Variants in GSE1 observed in about 807,000 individuals in gnomAD.
GSE1 encodes the protein Gse1 coiled-coil protein.
GSE1 carries 32 observed loss-of-function variants against 112.6 expected under a neutral mutation model. That is an observed-to-expected ratio of 0.28 (90% CI 0.21 to 0.38). The LOEUF (loss-of-function observed/expected upper bound fraction) is 0.38. Ranked by LOEUF, GSE1 falls within the 10% of genes least tolerant of loss-of-function variation. GSE1 has a pLI of 1.00. For synonymous variants in GSE1, 1,115 were observed against 735.6 expected (o/e 1.52, Z -8.35); for missense variants, 2,348 against 1,699.2 (o/e 1.38, Z -6.71).
intron 2 of GSE1, among the ~76,000 whole-genome samples, chr16:85,394,723 G>A (rs1024978138): frequency 2.6e-5 from 4 of 152,056 alleles, no homozygotes; most frequent in African/African-American, 4.8e-5. Flanking sequence ...CAGAAGCCCC[G>A]TCCGTCTCCC....
chr16:85,170,030 G>GAGACTCCGACCTGTC (rs1249872385), exon 1 of GSE1: 1 of 984,606 alleles, frequency 1.0e-6, no homozygotes, highest in Non-Finnish European at 1.2e-6. Flanking sequence ...GAGGAGACGC[G>GAGACTCCGACCTGTC]AGACTCCGAC....
Position 85,226,581 on chromosome 16 carries a change from C to T in GSE1, c.2283+54774C>T, listed in dbSNP as rs545194086. ...GCAGTGGGCATCTTACGTCCTTGGGCCTCGGTTTCTTCTTAATAAGGTGAG... is the reference window on the plus strand; with the variant it reads ...GCAGTGGGCATCTTACGTCCTTGGGTCTCGGTTTCTTCTTAATAAGGTGAG... On this transcript the variant is annotated intron_variant, in intron 1 of 2. Coordinates refer to the GSE1 transcript ENST00000637419. Among the ~76,000 whole-genome samples the T allele has an allele frequency of 1.2e-4, 18 of 152,140 alleles. No individual in the cohort carries two copies. In the South Asian group the frequency reaches 3.7e-3, roughly 32 times the overall value.
In GSE1 at chr16:85,171,802, A is replaced by T. The variant is rs976476159; in HGVS notation, c.2278A>T (p.Thr760Ser). 2.3e-5 allele frequency: 23 copies of T among 985,344 alleles called. No individual in the cohort carries two copies. In the Admixed American group the frequency reaches 2.5e-4, roughly 11 times the overall value. The allele number at this position is 985,344 out of a possible 1,614,324, so 61.0% of individuals were successfully genotyped here. ...CTGGAGCTCCCCGGTGGCAGCAGCG[A>T]CGAAGGTAAGCAGCAGTTTTCATCT... The change falls in exon 1 of 3, where the codon ACG (threonine) becomes TCG (serine). Residue 760 changes from threonine (T) to serine (S), a missense_variant. Thr to Ser is a moderately conservative substitution (Grantham distance 58). Transcript: ENST00000637419.
intron 3 of GSE1, 71 bp downstream of exon 3, chr16:85,648,822 C>T (rs2151875167): frequency 1.2e-6 from 1 of 868,662 alleles, no homozygotes; most frequent in Non-Finnish European, 1.7e-6. Context: ...CCATTGGGGG[C>T]TCTGGAGCTT....
At chr16:85,207,269 C>T (rs2075135118) in intron 1 of GSE1, among the ~76,000 whole-genome samples, 1 of 152,230 alleles carries the variant, frequency 6.6e-6, no homozygotes, top group Non-Finnish European at 1.5e-5. Flanking sequence ...CCTGGCCCCT[C>T]ACTCAGGCTC....
chr16:85,350,619 G>A (rs1212397168), intron 1 of GSE1, among the ~76,000 whole-genome samples: 1 of 152,142 alleles, frequency 6.6e-6, no homozygotes, highest in African/African-American at 2.4e-5. Flanking sequence ...GAGGGGCCAT[G>A]AGGTCACCGT....
upstream of GSE1, chr16:85,555,746 C>T: frequency 1.0e-6 from 1 of 982,694 alleles, no homozygotes; most frequent in Non-Finnish European, 1.2e-6. Context: ...TGACCCTCGC[C>T]CTTGACATTC....
chr16:85,468,574 A>C (rs1034193968), intron 2 of GSE1, among the ~76,000 whole-genome samples: 13 of 151,772 alleles, frequency 8.6e-5, no homozygotes, highest in African/African-American at 3.1e-4. Flanking sequence ...AGCCCCCCTC[A>C]GCCTCCCAAA....
At chr16:85,299,109 C>G (rs1377701683) in intron 1 of GSE1, among the ~76,000 whole-genome samples, 1 of 152,218 alleles carries the variant, frequency 6.6e-6, no homozygotes, top group Non-Finnish European at 1.5e-5. Context: ...AGTGAACATG[C>G]AGCATGGTGT....
chr16:85,368,806 C>A (rs1335639816), intron 2 of GSE1, among the ~76,000 whole-genome samples: 1 of 152,100 alleles, frequency 6.6e-6, no homozygotes, highest in African/African-American at 2.4e-5. Context: ...GGGGGCTTCC[C>A]AGACTGATTA....
At chr16:85,205,592 C>T (rs1427547361) in intron 1 of GSE1, among the ~76,000 whole-genome samples, 3 of 152,142 alleles carry the variant, frequency 2.0e-5, no homozygotes, top group Admixed American at 6.5e-5. Context: ...CAAACACACT[C>T]ATCCCCCACA....
At chr16:85,362,547 C>G (rs935509635) in intron 2 of GSE1, among the ~76,000 whole-genome samples, 2 of 152,226 alleles carry the variant, frequency 1.3e-5, no homozygotes, top group African/African-American at 4.8e-5. Flanking sequence ...GCTGCTCTGA[C>G]TACTGAATAG....
rs367928814 is a variant in GSE1 at position 85,663,115 on chromosome 16, G to A, written c.2373+22G>A. 110 of 1,496,218 alleles carry A rather than the reference G, an allele frequency of 7.4e-5. No homozygotes were observed. In the African/African-American group the frequency reaches 1.1e-3, roughly 14 times the overall value. The allele number at this position is 1,496,218 out of a possible 1,614,324, so 92.7% of individuals were successfully genotyped here. ...TGAGGTACTGGGCTCTCCTCCCCAC[G>A]GACATGCTCTGGGCTGGGCTCTCGT... On this transcript the variant is annotated intron_variant, in intron 10 of 15. Transcript: ENST00000253458.
chr16:85,667,371 G>A (rs1322332617), intron 13 of GSE1, among the ~76,000 whole-genome samples: 7 of 152,246 alleles, frequency 4.6e-5, no homozygotes, highest in Admixed American at 1.3e-4. Context: ...CCCCACGGGA[G>A]GCCAGGTGTG....
chr16:85,667,388 A>C (rs1452024632), intron 13 of GSE1, among the ~76,000 whole-genome samples: 2 of 152,238 alleles, frequency 1.3e-5, no homozygotes, highest in Non-Finnish European at 2.9e-5. Context: ...TGTGCTCCTG[A>C]GGATGTCACC....
chr16:85,637,249 C>G (rs1470121537), intron 2 of GSE1, among the ~76,000 whole-genome samples: 6 of 152,242 alleles, frequency 3.9e-5, no homozygotes, highest in African/African-American at 1.2e-4. Flanking sequence ...GCATTTTGTA[C>G]ACATGGGCTG....
At chr16:85,528,500 T>G (rs750428447) in intron 2 of GSE1, among the ~76,000 whole-genome samples, 8 of 151,066 alleles carry the variant, frequency 5.3e-5, no homozygotes, top group Non-Finnish European at 8.9e-5. Flanking sequence ...TTTTTTTAAT[T>G]TTTAGTAGAG....
At chr16:85,522,847 A>T (rs2052233773) in intron 2 of GSE1, among the ~76,000 whole-genome samples, 1 of 151,710 alleles carries the variant, frequency 6.6e-6, no homozygotes, top group Non-Finnish European at 1.5e-5. Flanking sequence ...TATGTTGTGT[A>T]TGGGTGTGTG....
intron 1 of GSE1, among the ~76,000 whole-genome samples, chr16:85,346,961 A>T (rs1042876294): frequency 6.6e-6 from 1 of 152,070 alleles, no homozygotes; most frequent in African/African-American, 2.4e-5. Flanking sequence ...ATGGGTAGAT[A>T]TGAGGGTGTG....
Sources: allele counts gnomAD v4.1 joint callset (sites outside exome capture counted in the v4.1 genomes callset), GRCh38; gene constraint gnomAD v4.1.1; transcripts MANE v1.5; gene names NCBI Gene and HGNC (gene_info 2026-07-23, HGNC 2026-07-21).